PM20D2: variants seen among roughly 807,000 people sequenced by gnomAD.
The protein encoded by PM20D2 is peptidase M20 domain containing 2.
A neutral mutation model predicts 42.9 loss-of-function variants in PM20D2; 33 were observed. The observed-to-expected ratio is 0.77, with a 90% CI of 0.58 to 1.03. The LOEUF (loss-of-function observed/expected upper bound fraction) is 1.03. Among genes scored for constraint, PM20D2 ranks in the 50% least tolerant of loss-of-function variants. The pLI, the probability that PM20D2 is intolerant of heterozygous loss-of-function variation, is 0.00. For synonymous variants in PM20D2, 250 were observed against 228.2 expected (o/e 1.10, Z -0.86); for missense variants, 548 against 557.0 (o/e 0.98, Z 0.16).
At chr6:89,139,707 CAAAT>C in the PM20D2 span, among the ~76,000 whole-genome samples, 2 of 151,956 alleles carry the variant, frequency 1.3e-5, no homozygotes, top group South Asian at 2.1e-4. Flanking sequence ...GACCCTGTCT[CAAAT>C]AAATAAATAA....
chr6:89,102,955 G>T, the PM20D2 span, among the ~76,000 whole-genome samples: 3 of 152,182 alleles, frequency 2.0e-5, no homozygotes, highest in East Asian at 5.8e-4. Flanking sequence ...GTAGACATGG[G>T]GGTCTCACTA....
chr6:89,142,599 A>G (rs1346461108), upstream of PM20D2, among the ~76,000 whole-genome samples: 1 of 151,788 alleles, frequency 6.6e-6, no homozygotes, highest in African/African-American at 2.4e-5. Context: ...AAATATCTGC[A>G]CTCTCTCCTT....
At chr6:89,146,696 C>A in intron 1 of PM20D2, 87 bp downstream of exon 1, 6 of 1,132,912 alleles carry the variant, frequency 5.3e-6, no homozygotes, top group Non-Finnish European at 7.0e-6. Flanking sequence ...GCGTCCCGCG[C>A]GCCTCGGTGC....
the PM20D2 span, among the ~76,000 whole-genome samples, chr6:89,137,353 T>A: frequency 7.2e-5 from 11 of 152,132 alleles, no homozygotes; most frequent in African/African-American, 2.7e-4. Flanking sequence ...TGAGATCCCA[T>A]CTCTAAAAAG....
the PM20D2 span, among the ~76,000 whole-genome samples, chr6:89,107,727 G>A: frequency 6.6e-6 from 1 of 151,950 alleles, no homozygotes; most frequent in Non-Finnish European, 1.5e-5. Context: ...GTGACAGAGT[G>A]AGACCCTGTC....
At chr6:89,150,418 A>G (rs1344919392) in intron 2 of PM20D2, among the ~76,000 whole-genome samples, 3 of 150,794 alleles carry the variant, frequency 2.0e-5, no homozygotes, top group Non-Finnish European at 4.4e-5. Flanking sequence ...TCTGCAGCTC[A>G]TTACCCTTCT....
At chr6:89,098,558 G>A in the PM20D2 span, 1 of 1,589,488 alleles carries the variant, frequency 6.3e-7, no homozygotes, top group Non-Finnish European at 8.6e-7. Context: ...AAGACGGCGT[G>A]GTGCTCTTTC....
the PM20D2 span, among the ~76,000 whole-genome samples, chr6:89,121,221 T>C: frequency 6.6e-6 from 1 of 152,232 alleles, no homozygotes; most frequent in Non-Finnish European, 1.5e-5. Flanking sequence ...CTGGAATTGA[T>C]ATAAAATAAG....
At chr6:89,138,681 A>T in the PM20D2 span, among the ~76,000 whole-genome samples, 1 of 152,112 alleles carries the variant, frequency 6.6e-6, no homozygotes, top group African/African-American at 2.4e-5. Flanking sequence ...CCTGGCCAAC[A>T]TGGTGAAACC....
chr6:89,146,781 A>G (rs45464294), intron 1 of PM20D2, among the ~76,000 whole-genome samples, 172 bp downstream of exon 1: 3,148 of 152,324 alleles, frequency 0.021, 51 homozygotes, highest in African/African-American at 0.032. Context: ...AGCAGAGCTG[A>G]ACCCCCAGTC....
chr6:89,119,735 A>G, the PM20D2 span, among the ~76,000 whole-genome samples: 2 of 152,162 alleles, frequency 1.3e-5, no homozygotes, highest in Admixed American at 1.3e-4. Context: ...GGCCCCACAC[A>G]TGTTTTGGCT....
At chr6:89,103,796 TAATAGA>T in the PM20D2 span, among the ~76,000 whole-genome samples, 1 of 152,174 alleles carries the variant, frequency 6.6e-6, no homozygotes, top group Non-Finnish European at 1.5e-5. Flanking sequence ...ACTATTATTC[TAATAGA>T]AATAAACTCC....
chr6:89,115,659 G>A, the PM20D2 span, among the ~76,000 whole-genome samples: 1 of 132,658 alleles, frequency 7.5e-6, no homozygotes, highest in African/African-American at 2.9e-5. Flanking sequence ...TTTTTGAGAC[G>A]GAGTCCTCGC....
the PM20D2 span, among the ~76,000 whole-genome samples, chr6:89,123,738 AG>A: frequency 6.8e-6 from 1 of 147,046 alleles, no homozygotes; most frequent in South Asian, 2.1e-4. Flanking sequence ...AAAAAAAAAA[AG>A]GTTTATAGAC....
chr6:89,159,938 G>C (rs561907730), intron 5 of PM20D2, among the ~76,000 whole-genome samples: 2 of 152,294 alleles, frequency 1.3e-5, no homozygotes, highest in East Asian at 3.9e-4. Context: ...TCTACCCCGG[G>C]TTTGGGTTTT....
At chr6:89,147,085 T>C (rs28609652) in intron 1 of PM20D2, among the ~76,000 whole-genome samples, 3 of 152,188 alleles carry the variant, frequency 2.0e-5, no homozygotes, top group Non-Finnish European at 4.4e-5. Context: ...TTCAAGTCAT[T>C]GGTATTTGGA....
At chr6:89,099,519 C>T in the PM20D2 span, among the ~76,000 whole-genome samples, 16 of 136,550 alleles carry the variant, frequency 1.2e-4, 1 homozygote, top group East Asian at 8.7e-4. Context: ...TATATATACA[C>T]ACACACACAC....
the PM20D2 span, among the ~76,000 whole-genome samples, chr6:89,114,222 G>A: frequency 3.9e-5 from 6 of 152,174 alleles, no homozygotes; most frequent in African/African-American, 1.4e-4. Flanking sequence ...GACATCAAGA[G>A]TTCGAGACCA....
the PM20D2 span, among the ~76,000 whole-genome samples, chr6:89,103,742 G>T: frequency 1.3e-4 from 19 of 151,830 alleles, no homozygotes; most frequent in Middle Eastern, 3.4e-3. Context: ...TTACAGGCGT[G>T]AGCCACTGCA....
Sources: allele counts gnomAD v4.1 joint callset (sites outside exome capture counted in the v4.1 genomes callset), GRCh38; gene constraint gnomAD v4.1.1; transcripts MANE v1.5; gene names NCBI Gene and HGNC (gene_info 2026-07-23, HGNC 2026-07-21).